ATP2B1: variants seen among roughly 807,000 people sequenced by gnomAD.
The protein encoded by ATP2B1 is plasma membrane calcium-transporting ATPase 1.
ATP2B1 carries 14 observed loss-of-function variants against 124.2 expected under a neutral mutation model. The observed-to-expected ratio is 0.11, with a 90% confidence interval of 0.07 to 0.18. ATP2B1 has a LOEUF of 0.18. Among genes scored for constraint, ATP2B1 ranks in the 10% least tolerant of loss-of-function variants. The probability of loss-of-function intolerance (pLI) is 1.00; values close to 1 mark genes in which losing one functional copy is unlikely to be tolerated. For synonymous variants in ATP2B1, 449 were observed against 492.4 expected (o/e 0.91, Z 1.17); for missense variants, 763 against 1,466.1 (o/e 0.52, Z 7.83).
At chr12:89,621,923 C>G (rs1259074563) in intron 9 of ATP2B1, 132 bp from the exon 10 acceptor site, 21 of 953,538 alleles carry the variant, frequency 2.2e-5, no homozygotes, top group Non-Finnish European at 3.0e-5. Flanking sequence ...TATAAAGTAC[C>G]AATGTAATAC....
intron 1 of ATP2B1, among the ~76,000 whole-genome samples, chr12:89,694,471 A>G (rs1360301293): frequency 1.3e-5 from 2 of 152,112 alleles, no homozygotes; most frequent in Admixed American, 1.3e-4. Context: ...GTTACCTGGT[A>G]TCAAATACAT....
At chr12:89,607,739 C>A (rs980414578) in intron 15 of ATP2B1, among the ~76,000 whole-genome samples, 2 of 152,036 alleles carry the variant, frequency 1.3e-5, no homozygotes, top group Admixed American at 6.6e-5. Flanking sequence ...CCAAAACTTG[C>A]TATGTAGATA....
intron 10 of ATP2B1, among the ~76,000 whole-genome samples, chr12:89,621,156 C>A (rs1478504117): frequency 6.6e-6 from 1 of 152,012 alleles, no homozygotes; most frequent in Non-Finnish European, 1.5e-5. Flanking sequence ...CACATGGCAA[C>A]CATATATAAA....
rs1874895615 is a variant in ATP2B1, at chr12:89,597,642, A to G, written c.3351+1475T>C. 2.6e-5 allele frequency among the ~76,000 whole-genome samples: 4 copies of G among 152,268 alleles called. No individual in the cohort carries two copies. In the South Asian group the frequency reaches 8.3e-4, roughly 32 times the overall value. ...GCTGGCTGGAGACCAAATGGAAAAG[A>G]TAGGTCTCTGTCTACTTCAAGGCTA... On this transcript the variant is annotated intron_variant, in intron 20 of 20. Transcript: ENST00000428670.
intron 1 of ATP2B1, among the ~76,000 whole-genome samples, chr12:89,703,317 GTTAT>G: frequency 6.6e-6 from 1 of 152,248 alleles, no homozygotes; most frequent in South Asian, 2.1e-4. Context: ...TACACAAACG[GTTAT>G]TTAACATTTA....
chr12:89,625,666 A>G (rs1472056311), intron 8 of ATP2B1, among the ~76,000 whole-genome samples: 1 of 152,036 alleles, frequency 6.6e-6, no homozygotes, highest in Non-Finnish European at 1.5e-5. Flanking sequence ...CTAACATCCC[A>G]ATCTAATGTC....
At chr12:89,693,083 TA>T (rs1318196455) in intron 1 of ATP2B1, among the ~76,000 whole-genome samples, 1 of 152,308 alleles carries the variant, frequency 6.6e-6, no homozygotes, top group East Asian at 1.9e-4. Context: ...ATTTATTTTC[TA>T]ACTGTTATTT....
intron 2 of ATP2B1, among the ~76,000 whole-genome samples, chr12:89,646,992 TC>T (rs1185891702): frequency 1.3e-5 from 2 of 152,226 alleles, no homozygotes; most frequent in African/African-American, 4.8e-5. Flanking sequence ...GCAATGTTTG[TC>T]TAATACAGAT....
chr12:89,604,404 T>A (rs1199852298), intron 15 of ATP2B1, 58 bp from the exon 16 acceptor site: 6 of 1,361,572 alleles, frequency 4.4e-6, no homozygotes, highest in African/African-American at 1.5e-5. Flanking sequence ...TTTCAAATAG[T>A]CAAAAAATAC....
intron 2 of ATP2B1, among the ~76,000 whole-genome samples, chr12:89,645,030 T>C (rs1297037162): frequency 6.6e-6 from 1 of 152,148 alleles, no homozygotes; most frequent in African/African-American, 2.4e-5. Flanking sequence ...TAAAACTATC[T>C]GGTATAGGAA....
chr12:89,591,406 G>T, intron 20 of ATP2B1, 111 bp from the exon 21 acceptor site: 1 of 918,482 alleles, frequency 1.1e-6, no homozygotes, highest in Non-Finnish European at 1.6e-6. Context: ...AATCATATTT[G>T]CATGTAATGC....
chr12:89,646,091 G>T (rs1429144061), intron 2 of ATP2B1, among the ~76,000 whole-genome samples: 1 of 149,908 alleles, frequency 6.7e-6, no homozygotes, highest in East Asian at 1.9e-4. Flanking sequence ...TTTTGTTTTT[G>T]TTTTTTTTTG....
intron 1 of ATP2B1, among the ~76,000 whole-genome samples, chr12:89,706,300 T>C (rs779396886): frequency 9.2e-5 from 14 of 152,032 alleles, no homozygotes; most frequent in Non-Finnish European, 2.1e-4. Context: ...AAAAGGTAAG[T>C]TGTTGGAAGA....
At chr12:89,657,685 C>T (rs1886123887) in intron 1 of ATP2B1, among the ~76,000 whole-genome samples, 1 of 152,212 alleles carries the variant, frequency 6.6e-6, no homozygotes, top group African/African-American at 2.4e-5. Flanking sequence ...CCTCAAGCAT[C>T]TTTAGATTCA....
chr12:89,611,968 A>G lies in ATP2B1; in HGVS notation c.2068-596T>C, dbSNP rs536767648. 1.5e-3 allele frequency: 230 copies of G among 152,266 alleles called. 1 individual carries two copies. The highest frequency in any genetic ancestry group is 5.4e-3 in the African/African-American group (223 of 41,546). 9.4% of individuals were successfully genotyped at this position (152,266 alleles called of 1,614,324 possible). ...GAAACCATGTTTCCTTTACCTGTCT[A>G]GCAGAAACCTAAGAGTCACCTGTAC... On this transcript the variant is annotated intron_variant, in intron 12 of 20. Transcript: ENST00000428670.
intron 1 of ATP2B1, among the ~76,000 whole-genome samples, chr12:89,696,671 A>G (rs967134219): frequency 2.0e-5 from 3 of 152,208 alleles, no homozygotes; most frequent in Non-Finnish European, 2.9e-5. Context: ...TTTTCCAAAC[A>G]TTATATAGTG....
In ATP2B1 at chr12:89,669,868, G is replaced by A. The variant is rs557802559; in HGVS notation, c.-221-13761C>T. On this transcript the variant is annotated intron_variant, in intron 1 of 20. Coordinates refer to ENST00000428670, the MANE Select transcript of ATP2B1 (RefSeq NM_001366521.1). ...ATTCAGTTCAGTATATGAATGTGATGTCCTTATATATGACATCAAATAGTA... is the reference window on the plus strand; with the variant it reads ...ATTCAGTTCAGTATATGAATGTGATATCCTTATATATGACATCAAATAGTA... Among the ~76,000 whole-genome samples the A allele has an allele frequency of 9.9e-5, 15 of 152,234 alleles. No homozygotes were observed. In the East Asian group the frequency reaches 2.9e-3, roughly 29 times the overall value.
At chr12:89,707,306 A>G (rs927295764) in intron 1 of ATP2B1, among the ~76,000 whole-genome samples, 2 of 152,188 alleles carry the variant, frequency 1.3e-5, no homozygotes, top group Non-Finnish European at 2.9e-5. Flanking sequence ...CCAGGCCCTT[A>G]CAAGTACTTC....
intron 8 of ATP2B1, among the ~76,000 whole-genome samples, chr12:89,625,922 G>A (rs984959532): frequency 6.6e-6 from 1 of 152,094 alleles, no homozygotes; most frequent in South Asian, 2.1e-4. Context: ...AGATGCTACC[G>A]CTGGAGGTCA....
Sources: gnomAD v4.1 joint callset for allele counts (sites outside exome capture counted in the v4.1 genomes callset) on GRCh38, gnomAD v4.1.1 for gene constraint, MANE v1.5 for transcripts, NCBI Gene and HGNC (gene_info 2026-07-23, HGNC 2026-07-21) for gene names.